The following CYRIB variants were observed in gnomAD, a reference collection of about 807,000 sequenced individuals.
The protein encoded by CYRIB is CYFIP-related Rac1 interactor B.
CYRIB carries 8 observed loss-of-function variants against 44.2 expected under a neutral mutation model. The observed-to-expected ratio is 0.18, with a 90% CI of 0.11 to 0.33. CYRIB has a LOEUF of 0.33. Among genes scored for constraint, CYRIB ranks in the 10% least tolerant of loss-of-function variants. CYRIB has a pLI of 1.00. For missense variants in CYRIB, 185 were observed against 382.8 expected, an observed-to-expected ratio of 0.48 and a Z score of 4.31; for synonymous variants, 131 against 127.2, an observed-to-expected ratio of 1.03 and a Z score of -0.20.
chr8:129,909,821 C>G (rs1020850252), intron 1 of CYRIB, among the ~76,000 whole-genome samples: 1 of 152,236 alleles, frequency 6.6e-6, no homozygotes, highest in Non-Finnish European at 1.5e-5. Flanking sequence ...TGTGCATACA[C>G]ATGCCCCTGC....
chr8:129,997,367 C>G (rs1174664776), intron 1 of CYRIB, among the ~76,000 whole-genome samples: 1 of 152,138 alleles, frequency 6.6e-6, no homozygotes, highest in Non-Finnish European at 1.5e-5. Context: ...TTGCTGGCTT[C>G]CTAATTAAAG....
At chr8:129,924,848 C>T (rs577206052) in intron 1 of CYRIB, among the ~76,000 whole-genome samples, 132 of 152,228 alleles carry the variant, frequency 8.7e-4, no homozygotes, top group South Asian at 1.7e-3. Context: ...TGTGGTGGTG[C>T]ATACCTATAG....
intron 11 of CYRIB, 135 bp from the exon 14 acceptor site, chr8:129,842,340 C>T: frequency 1.5e-6 from 1 of 656,856 alleles, no homozygotes; most frequent in East Asian, 2.7e-5. Context: ...GTAGCTTTAA[C>T]CCTGTTCAGG....
At position 129,982,875 on chromosome 8, in the gene CYRIB, T is replaced by A. The variant is rs1323883315; in HGVS notation, c.-295-11880A>T. Among the ~76,000 whole-genome samples, 5 of 152,206 alleles carry A rather than the reference T, an allele frequency of 3.3e-5. No homozygotes were observed. The East Asian group carries it at 7.7e-4, about 23-fold the overall frequency. On this transcript the variant is annotated intron_variant, in intron 1 of 14. Transcript: ENST00000401979. Reference sequence around the variant, plus strand: ...TTCTGTCCCCAGGCCTGCAGCTGGCTGTCACCAAGCCACTACAGAAGGTAC... The same window carrying A: ...TTCTGTCCCCAGGCCTGCAGCTGGCAGTCACCAAGCCACTACAGAAGGTAC...
intron 2 of CYRIB, among the ~76,000 whole-genome samples, chr8:129,961,560 G>A (rs2095258639): frequency 6.6e-6 from 1 of 152,196 alleles, no homozygotes; most frequent in Non-Finnish European, 1.5e-5. Flanking sequence ...CTTAGAGGCT[G>A]TCATTTAACC....
At chr8:129,846,152 T>C (rs552579480) in intron 11 of CYRIB, among the ~76,000 whole-genome samples, 1 of 152,206 alleles carries the variant, frequency 6.6e-6, no homozygotes, top group Non-Finnish European at 1.5e-5. Flanking sequence ...AATAATGTTC[T>C]AGCATTTGTA....
intron 1 of CYRIB, among the ~76,000 whole-genome samples, chr8:129,920,748 A>T (rs2137079718): frequency 6.6e-6 from 1 of 152,280 alleles, no homozygotes; most frequent in South Asian, 2.1e-4. Context: ...ATACCTTACA[A>T]AAACCTGTAC....
intron 11 of CYRIB, among the ~76,000 whole-genome samples, chr8:129,845,693 T>C (rs1233572530): frequency 6.6e-6 from 1 of 152,246 alleles, no homozygotes; most frequent in Non-Finnish European, 1.5e-5. Context: ...ACATTTTATG[T>C]GGTAAATATC....
At chr8:129,955,421 C>T (rs2094759739) in intron 2 of CYRIB, among the ~76,000 whole-genome samples, 1 of 152,110 alleles carries the variant, frequency 6.6e-6, no homozygotes, top group Admixed American at 6.6e-5. Flanking sequence ...GCTGTTCCAC[C>T]TCTGCTAGGA....
chr8:129,909,698 G>A (rs1421980950), intron 1 of CYRIB, among the ~76,000 whole-genome samples: 2 of 152,072 alleles, frequency 1.3e-5, no homozygotes, highest in Non-Finnish European at 2.9e-5. Context: ...AGTTATCCCA[G>A]TCTAATATAA....
intron 2 of CYRIB, among the ~76,000 whole-genome samples, chr8:129,884,759 T>C (rs184578910): frequency 4.6e-5 from 7 of 152,392 alleles, no homozygotes; most frequent in Admixed American, 1.3e-4. Flanking sequence ...AAACTAAATA[T>C]TGTATTTACT....
At chr8:129,958,934 G>T (rs1005223585) in intron 2 of CYRIB, among the ~76,000 whole-genome samples, 1 of 151,244 alleles carries the variant, frequency 6.6e-6, no homozygotes, top group African/African-American at 2.4e-5. Context: ...CTGTGATGGC[G>T]GGCGCCTGTA....
chr8:129,865,966 T>C (rs1340773497), intron 4 of CYRIB, among the ~76,000 whole-genome samples: 1 of 152,180 alleles, frequency 6.6e-6, no homozygotes, highest in African/African-American at 2.4e-5. Context: ...TCGGGGAAAA[T>C]AGTTGGCTAT....
chr8:129,847,699 A>G (rs1474789151), intron 10 of CYRIB, among the ~76,000 whole-genome samples: 1 of 152,182 alleles, frequency 6.6e-6, no homozygotes, highest in East Asian at 1.9e-4. Flanking sequence ...CTTGATGACG[A>G]TGGTATTTAA....
At chr8:129,916,963 G>C (rs1164276493) in intron 1 of CYRIB, among the ~76,000 whole-genome samples, 1 of 152,152 alleles carries the variant, frequency 6.6e-6, no homozygotes, top group Non-Finnish European at 1.5e-5. Context: ...CAGCTAGTAA[G>C]CATTAGTTTC....
At chr8:129,875,563 T>C (rs1443939455) in intron 3 of CYRIB, among the ~76,000 whole-genome samples, 1 of 152,148 alleles carries the variant, frequency 6.6e-6, no homozygotes, top group Non-Finnish European at 1.5e-5. Flanking sequence ...CCAAATTTTA[T>C]GGAGCAATTT....
intron 1 of CYRIB, among the ~76,000 whole-genome samples, chr8:129,913,933 A>G (rs1336770198): frequency 6.6e-6 from 1 of 152,220 alleles, no homozygotes; most frequent in Non-Finnish European, 1.5e-5. Flanking sequence ...TCTTTTTTAA[A>G]TGTAATGAGA....
chr8:129,942,972 C>T (rs891739233), upstream of CYRIB, among the ~76,000 whole-genome samples: 19 of 152,166 alleles, frequency 1.2e-4, no homozygotes, highest in African/African-American at 4.3e-4. Flanking sequence ...TCCTTCAGTG[C>T]TGTTTTCTTG....
intron 1 of CYRIB, among the ~76,000 whole-genome samples, chr8:129,937,041 A>G (rs1053695779): frequency 6.6e-6 from 1 of 152,136 alleles, no homozygotes; most frequent in African/African-American, 2.4e-5. Flanking sequence ...ACCTGAAAAA[A>G]CTACAGCTCA....
Sources: gnomAD v4.1 joint callset for allele counts (sites outside exome capture counted in the v4.1 genomes callset) on GRCh38, gnomAD v4.1.1 for gene constraint, MANE v1.5 for transcripts, NCBI Gene and HGNC (gene_info 2026-07-23, HGNC 2026-07-21) for gene names.